Variants in ACYP2 observed in about 807,000 individuals in gnomAD.
ACYP2 encodes the protein acylphosphatase-2.
A neutral mutation model predicts 11.2 loss-of-function variants in ACYP2; 12 were observed. The observed-to-expected ratio is 1.08, with a 90% CI of 0.69 to 1.74. The LOEUF (loss-of-function observed/expected upper bound fraction) is 1.74. ACYP2 is among the 40% of genes most tolerant of loss of function. The pLI, the probability that ACYP2 is intolerant of heterozygous loss-of-function variation, is 0.00. For missense variants in ACYP2, 134 were observed against 101.9 expected, an observed-to-expected ratio of 1.31 and a Z score of -1.35; for synonymous variants, 43 against 32.2, an observed-to-expected ratio of 1.33 and a Z score of -1.13.
At chr2:54,163,972 A>G (rs1201487529) in intron 6 of ACYP2, among the ~76,000 whole-genome samples, 2 of 152,202 alleles carry the variant, frequency 1.3e-5, no homozygotes, top group African/African-American at 4.8e-5. Context: ...CCTTGAGGAG[A>G]TAACAGTCTA....
intron 4 of ACYP2, among the ~76,000 whole-genome samples, chr2:54,117,563 G>C (rs1679884486): frequency 6.6e-6 from 1 of 152,176 alleles, no homozygotes; most frequent in East Asian, 1.9e-4. Flanking sequence ...CAAAGTGATG[G>C]GATTACAGGC....
intron 3 of ACYP2, among the ~76,000 whole-genome samples, chr2:54,052,897 CA>C (rs1312804651): frequency 6.6e-6 from 1 of 152,210 alleles, no homozygotes; most frequent in Non-Finnish European, 1.5e-5. Flanking sequence ...GTGCTTTCCC[CA>C]GAGGGAGAAT....
chr2:54,036,535 C>T (rs1674914470), intron 2 of ACYP2, among the ~76,000 whole-genome samples: 1 of 152,144 alleles, frequency 6.6e-6, no homozygotes, highest in East Asian at 1.9e-4. Context: ...GAGCAGGATT[C>T]AGATTATGAT....
In ACYP2 at chr2:54,254,867, C is replaced by T. The variant is rs955330489; in HGVS notation, c.405-49821C>T. On this transcript the variant is annotated intron_variant, in intron 6 of 6. Transcript: ENST00000607452. Reference sequence around the variant, plus strand: ...CTAATGCTGTTGCCCAAGCTCAGGTCCAGCTGGTGGTGGCAGGCAACCTTC... The same window carrying T: ...CTAATGCTGTTGCCCAAGCTCAGGTTCAGCTGGTGGTGGCAGGCAACCTTC... 7.0e-6 allele frequency: 11 copies of T among 1,563,196 alleles called. No individual in the cohort carries two copies. In the African/African-American group the frequency reaches 1.4e-4, roughly 19 times the overall value.
At chr2:54,283,834 G>T (rs1434544549) in intron 6 of ACYP2, among the ~76,000 whole-genome samples, 1 of 152,192 alleles carries the variant, frequency 6.6e-6, no homozygotes, top group Non-Finnish European at 1.5e-5. Flanking sequence ...ACTATCTTTG[G>T]CCTGGTGCAC....
At chr2:54,106,246 A>T (rs956318921) in intron 4 of ACYP2, among the ~76,000 whole-genome samples, 5 of 151,984 alleles carry the variant, frequency 3.3e-5, no homozygotes, top group Non-Finnish European at 7.4e-5. Flanking sequence ...TTTAATTTTT[A>T]AAATTATTAT....
chr2:54,125,945 G>A (rs1176940336), intron 4 of ACYP2, among the ~76,000 whole-genome samples: 1 of 151,978 alleles, frequency 6.6e-6, no homozygotes, highest in Non-Finnish European at 1.5e-5. Context: ...GCTGGGCATG[G>A]TGGTGCACGC....
At chr2:53,984,050 A>C (rs1447296362) in intron 2 of ACYP2, among the ~76,000 whole-genome samples, 1 of 152,174 alleles carries the variant, frequency 6.6e-6, no homozygotes, top group Non-Finnish European at 1.5e-5. Context: ...TGGTTTAGAA[A>C]GATGACTCTG....
At chr2:54,128,276 C>T (rs756121682) in intron 4 of ACYP2, among the ~76,000 whole-genome samples, 1 of 152,154 alleles carries the variant, frequency 6.6e-6, no homozygotes, top group Non-Finnish European at 1.5e-5. Flanking sequence ...GATCCCTGAT[C>T]AAGAATAGTT....
chr2:54,291,236 C>T (rs1689291275), intron 6 of ACYP2, among the ~76,000 whole-genome samples: 1 of 152,214 alleles, frequency 6.6e-6, no homozygotes, highest in Non-Finnish European at 1.5e-5. Context: ...TGGCTATCAT[C>T]TCCCTCTTCT....
At chr2:54,118,027 G>C (rs1679915489) in intron 4 of ACYP2, among the ~76,000 whole-genome samples, 1 of 152,156 alleles carries the variant, frequency 6.6e-6, no homozygotes, top group African/African-American at 2.4e-5. Flanking sequence ...AGAATGTTTA[G>C]TTTTCCATTC....
chr2:53,993,900 A>G (rs900033522), intron 2 of ACYP2, among the ~76,000 whole-genome samples: 4 of 151,800 alleles, frequency 2.6e-5, no homozygotes, highest in African/African-American at 9.7e-5. Context: ...AATATAGGAA[A>G]CTGGGCCAGG....
chr2:54,101,698 G>A (rs1310209888), intron 4 of ACYP2, among the ~76,000 whole-genome samples: 1 of 149,322 alleles, frequency 6.7e-6, no homozygotes, highest in Non-Finnish European at 1.5e-5. Context: ...AAACTGCCAG[G>A]TGAAGTGTGT....
chr2:54,132,735 A>C (rs1216245080), intron 4 of ACYP2, among the ~76,000 whole-genome samples: 3 of 150,336 alleles, frequency 2.0e-5, no homozygotes, highest in Non-Finnish European at 4.4e-5. Flanking sequence ...TATAGTGTAC[A>C]ATTGAATGAT....
At chr2:54,248,808 A>G (rs1687077201) in intron 6 of ACYP2, among the ~76,000 whole-genome samples, 1 of 152,180 alleles carries the variant, frequency 6.6e-6, no homozygotes, top group Non-Finnish European at 1.5e-5. Flanking sequence ...CTCAAAATAC[A>G]TTTTTATGAA....
intron 6 of ACYP2, among the ~76,000 whole-genome samples, chr2:54,289,512 C>A (rs748104644): frequency 2.6e-5 from 4 of 152,014 alleles, no homozygotes; most frequent in Non-Finnish European, 4.4e-5. Context: ...ATTTCTTCCT[C>A]ACCTTCTATT....
intron 2 of ACYP2, among the ~76,000 whole-genome samples, chr2:54,041,755 G>A (rs566510810): frequency 2.6e-5 from 4 of 152,182 alleles, no homozygotes; most frequent in East Asian, 3.9e-4. Context: ...TCAAATGAAC[G>A]CATACATGAA....
At chr2:54,022,320 G>A (rs1294332956) in intron 2 of ACYP2, among the ~76,000 whole-genome samples, 4 of 151,952 alleles carry the variant, frequency 2.6e-5, no homozygotes, top group Non-Finnish European at 5.9e-5. Flanking sequence ...TAATATTTTG[G>A]GCTTTTATTT....
chr2:54,184,965 C>T (rs558536669), intron 6 of ACYP2, among the ~76,000 whole-genome samples: 1 of 151,878 alleles, frequency 6.6e-6, no homozygotes, highest in Non-Finnish European at 1.5e-5. Flanking sequence ...TCTGCCTCAG[C>T]CTCCCGAGTA....
Sources: gnomAD v4.1 joint callset for allele counts (sites outside exome capture counted in the v4.1 genomes callset) on GRCh38, gnomAD v4.1.1 for gene constraint, MANE v1.5 for transcripts, NCBI Gene and HGNC (gene_info 2026-07-23, HGNC 2026-07-21) for gene names.